Variants in NAALADL2 observed in about 807,000 individuals in gnomAD.
NAALADL2 encodes inactive N-acetylated-alpha-linked acidic dipeptidase-like protein 2.
In NAALADL2, 76 loss-of-function variants were observed where a neutral mutation model predicts 87.2. The observed-to-expected ratio is 0.87, with a 90% confidence interval of 0.72 to 1.05. The LOEUF (loss-of-function observed/expected upper bound fraction) is 1.05, where lower values mean the gene tolerates loss of function less well. NAALADL2 is among the 50% of genes least tolerant of loss of function. NAALADL2 has a pLI of 0.00. For missense variants in NAALADL2, 1,089 were observed against 945.8 expected, an observed-to-expected ratio of 1.15 and a Z score of -1.99; for synonymous variants, 354 against 331.0, an observed-to-expected ratio of 1.07 and a Z score of -0.75.
At chr3:174,871,424 G>A (rs138509406) in intron 1 of NAALADL2, among the ~76,000 whole-genome samples, 3 of 152,272 alleles carry the variant, frequency 2.0e-5, no homozygotes, top group East Asian at 1.9e-4. Context: ...AGCATCTGGC[G>A]TCAGAAAAGT....
At chr3:174,944,046 T>G (rs6786471) in intron 1 of NAALADL2, among the ~76,000 whole-genome samples, 6,272 of 152,142 alleles carry the variant, frequency 0.041, 438 homozygotes, top group African/African-American at 0.14. Context: ...CCACTTTTCC[T>G]TAGGGCTGCT....
intron 13 of NAALADL2, among the ~76,000 whole-genome samples, chr3:175,798,770 A>G (rs1753797333): frequency 6.6e-6 from 1 of 152,088 alleles, no homozygotes. Flanking sequence ...GACACATTTT[A>G]CAAAAATATA....
chr3:174,700,659 C>T lies in NAALADL2; in HGVS notation c.-114-36982C>T, dbSNP rs138907365. On this transcript the variant is annotated intron_variant, in intron 2 of 3. Coordinates refer to the NAALADL2 transcript ENST00000434257. Reference sequence around the variant, plus strand: ...TTAAAAAGGTTAACAACACAAAGTTCATGGCCACATTGTAGTTACATTCCA... The same window carrying T: ...TTAAAAAGGTTAACAACACAAAGTTTATGGCCACATTGTAGTTACATTCCA... 3.3e-5 allele frequency among the ~76,000 whole-genome samples: 5 copies of T among 152,250 alleles called. No homozygotes were observed. The East Asian group carries it at 9.6e-4, about 29-fold the overall frequency.
intron 12 of NAALADL2, among the ~76,000 whole-genome samples, chr3:175,742,528 G>A (rs1331392971): frequency 1.3e-5 from 2 of 151,716 alleles, no homozygotes; most frequent in Non-Finnish European, 2.9e-5. Flanking sequence ...CTCCCGAGTA[G>A]CTGGGACTAC....
At chr3:175,535,650 TTCC>T (rs1370751742) in intron 9 of NAALADL2, among the ~76,000 whole-genome samples, 1 of 152,166 alleles carries the variant, frequency 6.6e-6, no homozygotes, top group Non-Finnish European at 1.5e-5. Context: ...TTTATAGCAT[TTCC>T]TCCTCAAGGG....
intron 5 of NAALADL2, among the ~76,000 whole-genome samples, chr3:175,343,678 C>CTTTTTTTTTTTTTTTT (rs1581505068): frequency 2.0e-5 from 1 of 49,180 alleles, no homozygotes; most frequent in East Asian, 1.4e-3. Context: ...TTTTTTTTTC[C>CTTTTTTTTTTTTTTTT]CTTCCCACTG....
At chr3:175,642,304 T>G (rs1729396375) in intron 11 of NAALADL2, among the ~76,000 whole-genome samples, 5 of 152,224 alleles carry the variant, frequency 3.3e-5, no homozygotes, top group Admixed American at 3.3e-4. Context: ...TTTACTCTTG[T>G]GTGCATAAAA....
chr3:174,677,440 A>AT (rs1303737091), intron 2 of NAALADL2, among the ~76,000 whole-genome samples: 3 of 151,854 alleles, frequency 2.0e-5, no homozygotes, highest in Admixed American at 6.6e-5. Flanking sequence ...AACATTTGGT[A>AT]TTTTTTCATT....
intron 11 of NAALADL2, among the ~76,000 whole-genome samples, chr3:175,726,903 T>C (rs987818531): frequency 2.0e-5 from 3 of 152,170 alleles, no homozygotes; most frequent in Non-Finnish European, 4.4e-5. Context: ...CTTGACATCA[T>C]GAGTTGCCTT....
chr3:174,806,744 A>G (rs974517675), intron 3 of NAALADL2, among the ~76,000 whole-genome samples: 8 of 152,152 alleles, frequency 5.3e-5, no homozygotes, highest in African/African-American at 1.9e-4. Context: ...GTATTGACAG[A>G]ATTTTCAGAA....
At chr3:174,756,371 C>G (rs1712082763) in intron 3 of NAALADL2, among the ~76,000 whole-genome samples, 1 of 152,126 alleles carries the variant, frequency 6.6e-6, no homozygotes, top group Non-Finnish European at 1.5e-5. Flanking sequence ...CTGGACTTCT[C>G]CTATATATTC....
chr3:174,492,678 G>T (rs1718278558), intron 1 of NAALADL2, among the ~76,000 whole-genome samples: 2 of 152,210 alleles, frequency 1.3e-5, no homozygotes, highest in Admixed American at 6.5e-5. Flanking sequence ...AAATGCAACA[G>T]AATGTATATT....
intron 5 of NAALADL2, among the ~76,000 whole-genome samples, chr3:175,368,992 G>A (rs990127435): frequency 6.6e-6 from 1 of 152,140 alleles, no homozygotes; most frequent in Non-Finnish European, 1.5e-5. Flanking sequence ...AATGAGCAGT[G>A]AGCAAATGTG....
intron 4 of NAALADL2, among the ~76,000 whole-genome samples, chr3:175,301,024 G>A (rs1365176816): frequency 6.6e-6 from 1 of 151,990 alleles, no homozygotes; most frequent in East Asian, 1.9e-4. Flanking sequence ...CAAAGTGCTG[G>A]GATTACAGGC....
At chr3:174,776,196 A>G (rs1030940733) in intron 3 of NAALADL2, among the ~76,000 whole-genome samples, 2 of 152,036 alleles carry the variant, frequency 1.3e-5, no homozygotes, top group African/African-American at 4.8e-5. Flanking sequence ...TTGGCATGCA[A>G]TAAAACAGCC....
chr3:175,716,706 G>A (rs77228353), intron 11 of NAALADL2, among the ~76,000 whole-genome samples: 2,644 of 152,204 alleles, frequency 0.017, 92 homozygotes, highest in African/African-American at 0.06. Flanking sequence ...GCCTCAGGAT[G>A]CTGGCTGGTA....
chr3:174,453,545 C>G (rs1252262133), intron 1 of NAALADL2, among the ~76,000 whole-genome samples: 1 of 152,222 alleles, frequency 6.6e-6, no homozygotes, highest in African/African-American at 2.4e-5. Context: ...CAAAGGGAAG[C>G]CCATCAGCTA....
chr3:175,144,551 A>G (rs1367089797), intron 2 of NAALADL2, among the ~76,000 whole-genome samples: 3 of 152,100 alleles, frequency 2.0e-5, no homozygotes, highest in African/African-American at 7.2e-5. Context: ...TGATTGCGCA[A>G]TCCAGAGATG....
At chr3:175,207,666 T>C (rs898901320) in intron 2 of NAALADL2, among the ~76,000 whole-genome samples, 2 of 152,162 alleles carry the variant, frequency 1.3e-5, no homozygotes, top group African/African-American at 4.8e-5. Flanking sequence ...TTCCCTTCTT[T>C]GATTATTCCT....
Sources: gnomAD v4.1 joint callset for allele counts (sites outside exome capture counted in the v4.1 genomes callset) on GRCh38, gnomAD v4.1.1 for gene constraint, MANE v1.5 for transcripts, NCBI Gene and HGNC (gene_info 2026-07-23, HGNC 2026-07-21) for gene names.